Variants in CHD6 observed in about 807,000 individuals in gnomAD.
CHD6 encodes the protein chromodomain helicase DNA binding protein 6, also known as ATP-dependent chromatin remodeler CHD6.
A neutral mutation model predicts 276.9 loss-of-function variants in CHD6; 50 were observed. The observed-to-expected ratio is 0.18, with a 90% CI of 0.14 to 0.23. CHD6 has a LOEUF of 0.23. Ranked by LOEUF, CHD6 falls within the 10% of genes least tolerant of loss-of-function variation. The pLI, the probability that CHD6 is intolerant of heterozygous loss-of-function variation, is 1.00. For synonymous variants in CHD6, 1,173 were observed against 1,229.3 expected (o/e 0.95, Z 0.96); for missense variants, 2,564 against 3,365.8 (o/e 0.76, Z 5.89).
intron 2 of CHD6, among the ~76,000 whole-genome samples, chr20:41,543,943 A>G (rs191566361): frequency 2.0e-5 from 3 of 152,280 alleles, no homozygotes; most frequent in Admixed American, 2.0e-4. Flanking sequence ...AGGATGAATC[A>G]AAGTTATGCA....
chr20:41,474,200 G>T (rs139171174), intron 16 of CHD6, among the ~76,000 whole-genome samples: 2 of 152,312 alleles, frequency 1.3e-5, no homozygotes, highest in East Asian at 3.9e-4. Context: ...GGAAAATAAA[G>T]TAGGAAAGTA....
At position 41,618,105 on chromosome 20, in the gene CHD6, G is replaced by C. The variant is rs1458093135; in HGVS notation, c.-24+235C>G. On this transcript the variant is annotated intron_variant, in intron 1 of 36. Coordinates refer to ENST00000373233, the MANE Select transcript of CHD6 (RefSeq NM_032221.5). The stretch of plus-strand genomic sequence containing the variant: ...GCGGGAGCAGTAGCCTGGCGTGGCA[G>C]AGGCCGCCCCTCTCCCCAGGCCGCA... Among the ~76,000 whole-genome samples, 10 of 149,448 alleles carry C rather than the reference G, an allele frequency of 6.7e-5. No homozygotes were observed. The South Asian group carries it at 2.1e-3, about 31-fold the overall frequency.
chr20:41,533,685 C>T (rs1353089124), intron 2 of CHD6, 115 bp from the exon 3 acceptor site: 1 of 926,556 alleles, frequency 1.1e-6, no homozygotes, highest in African/African-American at 1.7e-5. Flanking sequence ...AGTTCCCACT[C>T]TCTGTTAGTT....
At chr20:41,558,153 C>T (rs2045260633) in intron 1 of CHD6, among the ~76,000 whole-genome samples, 1 of 152,324 alleles carries the variant, frequency 6.6e-6, no homozygotes, top group South Asian at 2.1e-4. Context: ...CATTTCCCCA[C>T]CTTACTACCC....
In CHD6 at chr20:41,403,701, G is replaced by A; in HGVS notation, c.*892C>T. On this transcript the variant is annotated 3_prime_UTR_variant, in exon 37 of 37. Transcript: ENST00000373233. ...AAAGCCTGAAGTGAAAATCCATTCG[G>A]TCCTGGTGCTCTTTAAACACAGAGA... 9.5e-7 allele frequency: 1 copy of A among 1,057,832 alleles called. No individual in the cohort carries two copies. The highest frequency in any genetic ancestry group is 1.1e-6 in the Non-Finnish European group (1 of 874,666). 65.5% of individuals were successfully genotyped at this position (1,057,832 alleles called of 1,614,324 possible).
intron 5 of CHD6, among the ~76,000 whole-genome samples, chr20:41,511,315 G>A (rs980737537): frequency 2.0e-5 from 3 of 152,166 alleles, no homozygotes; most frequent in South Asian, 2.1e-4. Context: ...ACAGACAGCC[G>A]TGTCCCAGAA....
intron 11 of CHD6, among the ~76,000 whole-genome samples, chr20:41,490,901 T>C (rs1237308011): frequency 2.6e-5 from 4 of 152,136 alleles, no homozygotes; most frequent in Non-Finnish European, 4.4e-5. Flanking sequence ...CATTTACCTA[T>C]GTAACAAACC....
intron 1 of CHD6, among the ~76,000 whole-genome samples, chr20:41,606,338 C>G (rs980202906): frequency 1.3e-5 from 2 of 152,114 alleles, no homozygotes; most frequent in African/African-American, 4.8e-5. Context: ...GGTGAAACCC[C>G]GTCTCTACTA....
intron 1 of CHD6, among the ~76,000 whole-genome samples, chr20:41,552,139 T>C (rs2045156757): frequency 6.6e-6 from 1 of 152,206 alleles, no homozygotes; most frequent in Non-Finnish European, 1.5e-5. Flanking sequence ...CATCACTAAC[T>C]AGTACTACTG....
chr20:41,485,404 T>C (rs900024340), intron 14 of CHD6, among the ~76,000 whole-genome samples: 3 of 152,104 alleles, frequency 2.0e-5, no homozygotes, highest in Non-Finnish European at 4.4e-5. Flanking sequence ...TAAGGGAAGA[T>C]GAAAGTGCAA....
chr20:41,417,711 C>T (rs530007028), intron 31 of CHD6, among the ~76,000 whole-genome samples: 1 of 152,174 alleles, frequency 6.6e-6, no homozygotes, highest in Non-Finnish European at 1.5e-5. Context: ...AACATTCTAA[C>T]ACTTTGAGAT....
chr20:41,454,088 C>T (rs1357350531), intron 20 of CHD6, among the ~76,000 whole-genome samples: 1 of 152,332 alleles, frequency 6.6e-6, no homozygotes, highest in South Asian at 2.1e-4. Context: ...TGTAACCCCA[C>T]AGTGTGGGCC....
chr20:41,531,473 A>C (rs568693176), intron 3 of CHD6, among the ~76,000 whole-genome samples: 1 of 152,348 alleles, frequency 6.6e-6, no homozygotes, highest in African/African-American at 2.4e-5. Context: ...GAGGCTGAAC[A>C]GTCACTCTGC....
rs1331327261 is a variant in CHD6 at position 41,452,285 on chromosome 20, C to T, written c.3324-260G>A. On this transcript the variant is annotated intron_variant, in intron 21 of 36. Transcript: ENST00000373233. This position sits in a 1 kb window ranked among gnomAD's most constrained non-coding sequence, Gnocchi z 4.2. ...TGTTAAAAAGGGAGGGACCAAACTA[C>T]TGGGAGCAGGGAATAAATTTGGAAT... Among the ~76,000 whole-genome samples, 1 of 152,204 alleles carries T rather than the reference C, an allele frequency of 6.6e-6. No individual in the cohort carries two copies. The highest frequency in any genetic ancestry group is 1.5e-5 in the Non-Finnish European group (1 of 68,040).
At chr20:41,499,576 G>A (rs1340836098) in intron 5 of CHD6, among the ~76,000 whole-genome samples, 3 of 152,154 alleles carry the variant, frequency 2.0e-5, no homozygotes, top group Non-Finnish European at 4.4e-5. Flanking sequence ...AACTCTACAA[G>A]AGCAGAGAAG....
intron 3 of CHD6, among the ~76,000 whole-genome samples, chr20:41,517,770 G>A (rs141269773): frequency 1.3e-5 from 2 of 152,336 alleles, no homozygotes; most frequent in African/African-American, 4.8e-5. Flanking sequence ...TATTCCAGAT[G>A]AGGAAAACTG....
rs937010598 is a variant in CHD6 at position 41,520,814 on chromosome 20, G to C, written c.555-5862C>G. Among the ~76,000 whole-genome samples, 4 of 151,768 alleles carry C rather than the reference G, an allele frequency of 2.6e-5. No homozygotes were observed. The East Asian group carries it at 7.7e-4, about 29-fold the overall frequency. ...CTGCACACGTACCCTAAAACTTAAA[G>C]TATAATAATAATTAAAAAAAAATTC... On this transcript the variant is annotated intron_variant, in intron 3 of 36. Transcript: ENST00000373233.
In CHD6 at chr20:41,483,490, G is replaced by T. The variant is rs753904892; in HGVS notation, c.2287C>A (p.Arg763=). The T allele has an allele frequency of 6.2e-7, 1 of 1,612,702 alleles. No individual in the cohort carries two copies. Among genetic ancestry groups the T allele is most frequent in the Non-Finnish European group, 8.5e-7 (1 of 1,179,546 alleles). Reference sequence around the variant, plus strand: ...GGGGCATCAGGGCTGTGGGTTTTTCGGAAATCTTCTAGAATTTTCTCCTCT... The same window carrying T: ...GGGGCATCAGGGCTGTGGGTTTTTCTGAAATCTTCTAGAATTTTCTCCTCT... ...GAEEKILEDF[R]KTHSPDAPDF... is the part of the protein sequence containing the mutation. Residue 763 remains arginine (R), a synonymous_variant, in exon 16 of 37, where the codon CGA becomes AGA. Transcript: ENST00000373233.
At chr20:41,604,497 A>C (rs1052722866) in intron 1 of CHD6, among the ~76,000 whole-genome samples, 4 of 152,352 alleles carry the variant, frequency 2.6e-5, no homozygotes, top group East Asian at 3.9e-4. Flanking sequence ...TTCAGGTTGC[A>C]GATGTCTTAG....
Sources: gnomAD v4.1 joint callset for allele counts (sites outside exome capture counted in the v4.1 genomes callset) on GRCh38, gnomAD v4.1.1 for gene constraint, Gnocchi (gnomAD v3.1) non-coding constraint, MANE v1.5 for transcripts, NCBI Gene and HGNC (gene_info 2026-07-23, HGNC 2026-07-21) for gene names.